The following LHFPL6 variants were observed in gnomAD, a reference collection of about 807,000 sequenced individuals.
The protein encoded by LHFPL6 is LHFPL tetraspan subfamily member 6 protein.
LHFPL6 carries 9 observed loss-of-function variants against 20.6 expected under a neutral mutation model. That is an observed-to-expected ratio of 0.44 (90% CI 0.26 to 0.76). The LOEUF is 0.76. Ranked by LOEUF, LHFPL6 falls within the 30% of genes least tolerant of loss-of-function variation. The probability of loss-of-function intolerance (pLI) is 0.20; values close to 1 mark genes in which losing one functional copy is unlikely to be tolerated. For synonymous variants in LHFPL6, 105 were observed against 98.7 expected (o/e 1.06, Z -0.38); for missense variants, 218 against 253.5 (o/e 0.86, Z 0.95).
chr13:39,415,640 T>C (rs1871329355), intron 2 of LHFPL6, among the ~76,000 whole-genome samples: 1 of 152,208 alleles, frequency 6.6e-6, no homozygotes, highest in South Asian at 2.1e-4. Context: ...CTTTCTGGCA[T>C]ATCTTTGCTC....
At chr13:39,546,558 C>A (rs1033018955) in intron 2 of LHFPL6, among the ~76,000 whole-genome samples, 1 of 152,106 alleles carries the variant, frequency 6.6e-6, no homozygotes, top group Admixed American at 6.5e-5. Context: ...GATAAACCAG[C>A]CATCTGGGTT....
At chr13:39,558,021 G>T (rs1871361214) in intron 2 of LHFPL6, among the ~76,000 whole-genome samples, 1 of 152,146 alleles carries the variant, frequency 6.6e-6, no homozygotes, top group East Asian at 1.9e-4. Context: ...GCAGATGCTG[G>T]CACCATGCTT....
intron 2 of LHFPL6, among the ~76,000 whole-genome samples, chr13:39,521,661 T>G (rs1365295179): frequency 2.0e-5 from 3 of 152,200 alleles, no homozygotes; most frequent in African/African-American, 7.2e-5. Context: ...AAGCAATGAA[T>G]TGTATGCTTT....
chr13:39,510,291 A>G (rs1399008659), intron 2 of LHFPL6, among the ~76,000 whole-genome samples: 2 of 152,248 alleles, frequency 1.3e-5, no homozygotes, highest in Admixed American at 1.3e-4. Context: ...TATAAGAAAG[A>G]TTCACCAAGT....
At chr13:39,480,619 C>G (rs1197919539) in intron 2 of LHFPL6, among the ~76,000 whole-genome samples, 3 of 152,162 alleles carry the variant, frequency 2.0e-5, no homozygotes, top group Non-Finnish European at 2.9e-5. Flanking sequence ...GCTCATGTCC[C>G]TCCCTCTCAT....
intron 2 of LHFPL6, among the ~76,000 whole-genome samples, chr13:39,524,112 A>G (rs949878246): frequency 6.6e-6 from 1 of 152,224 alleles, no homozygotes; most frequent in Non-Finnish European, 1.5e-5. Context: ...ATTATGAAAT[A>G]GAAGCCTAGA....
chr13:39,543,830 A>G (rs907517224), intron 2 of LHFPL6, among the ~76,000 whole-genome samples: 3 of 152,226 alleles, frequency 2.0e-5, no homozygotes, highest in African/African-American at 7.2e-5. Flanking sequence ...CAGTTATAAA[A>G]TTGCATAATG....
At chr13:39,519,517 T>G (rs1198803484) in intron 2 of LHFPL6, among the ~76,000 whole-genome samples, 1 of 152,194 alleles carries the variant, frequency 6.6e-6, no homozygotes, top group Non-Finnish European at 1.5e-5. Flanking sequence ...AGTCTGCAAT[T>G]TATTTCAGAT....
chr13:39,395,376 A>T (rs763282244), intron 2 of LHFPL6, among the ~76,000 whole-genome samples: 9 of 152,218 alleles, frequency 5.9e-5, no homozygotes, highest in Admixed American at 2.0e-4. Context: ...GACCATTTAA[A>T]GCCGCTTTTT....
intron 3 of LHFPL6, among the ~76,000 whole-genome samples, chr13:39,363,498 A>C (rs569235843): frequency 6.6e-6 from 1 of 152,274 alleles, no homozygotes; most frequent in African/African-American, 2.4e-5. Context: ...TGAGCATGGC[A>C]GTGTTCCCAT....
chr13:39,566,691 C>G lies in LHFPL6; in HGVS notation c.385+34141G>C, dbSNP rs528554751. On this transcript the variant is annotated intron_variant, in intron 2 of 3. Coordinates refer to ENST00000379589, the MANE Select transcript of LHFPL6 (RefSeq NM_005780.3). ...CAGGCTGCAGTGAGCTGAGATTGCA[C>G]TACTGCATTCCAACCTGGGCAACAG... Among the ~76,000 whole-genome samples the G allele has an allele frequency of 2.3e-3, 307 of 131,696 alleles. 2 individuals carry two copies. Among genetic ancestry groups the G allele is most frequent in the African/African-American group, 8.1e-3 (277 of 34,364 alleles). 86.4% of individuals were successfully genotyped at this position (131,696 alleles called of 152,430 possible). A position where few individuals can be genotyped will look rare whatever the true frequency, so the allele number is the denominator to read the frequency against.
chr13:39,476,136 C>T (rs999781372), intron 2 of LHFPL6, among the ~76,000 whole-genome samples: 2 of 152,148 alleles, frequency 1.3e-5, no homozygotes, highest in African/African-American at 4.8e-5. Flanking sequence ...CCCAAGGAAA[C>T]ACATATCCCA....
intron 2 of LHFPL6, among the ~76,000 whole-genome samples, chr13:39,498,643 G>GAGAT (rs1869178335): frequency 6.6e-6 from 1 of 152,182 alleles, no homozygotes; most frequent in South Asian, 2.1e-4. Flanking sequence ...ACATTAGGAA[G>GAGAT]AGATAAACAA....
chr13:39,554,804 C>G (rs1871254734), intron 2 of LHFPL6, among the ~76,000 whole-genome samples: 2 of 152,186 alleles, frequency 1.3e-5, no homozygotes, highest in South Asian at 4.1e-4. Context: ...CTTGAATATG[C>G]CTCCATTGTT....
intron 2 of LHFPL6, among the ~76,000 whole-genome samples, chr13:39,432,865 AATCT>A (rs1871853554): frequency 1.3e-5 from 2 of 152,268 alleles, no homozygotes; most frequent in Admixed American, 6.5e-5. Flanking sequence ...TCAGTCAATC[AATCT>A]ATCACTGAAC....
chr13:39,460,862 G>T (rs943567), intron 2 of LHFPL6, among the ~76,000 whole-genome samples: 1 of 152,056 alleles, frequency 6.6e-6, no homozygotes, highest in Non-Finnish European at 1.5e-5. Context: ...GGTTCAGGGG[G>T]TGCATGTGCA....
chr13:39,390,059 A>T (rs892478972), intron 2 of LHFPL6, among the ~76,000 whole-genome samples: 6 of 152,264 alleles, frequency 3.9e-5, no homozygotes, highest in African/African-American at 1.4e-4. Flanking sequence ...TTTTTTAAAA[A>T]GTTTGGATAA....
chr13:39,560,240 G>T (rs145299208), intron 2 of LHFPL6, among the ~76,000 whole-genome samples: 1 of 152,196 alleles, frequency 6.6e-6, no homozygotes, highest in Non-Finnish European at 1.5e-5. Flanking sequence ...TTAAATGAAT[G>T]ACTTCCTCTT....
At chr13:39,519,031 T>C (rs908187773) in intron 2 of LHFPL6, among the ~76,000 whole-genome samples, 4 of 151,820 alleles carry the variant, frequency 2.6e-5, no homozygotes, top group Non-Finnish European at 5.9e-5. Flanking sequence ...AGGTCAGGAG[T>C]TTGAGACCAG....
Sources: gnomAD v4.1 joint callset for allele counts (sites outside exome capture counted in the v4.1 genomes callset) on GRCh38, gnomAD v4.1.1 for gene constraint, MANE v1.5 for transcripts, NCBI Gene and HGNC (gene_info 2026-07-23, HGNC 2026-07-21) for gene names.